ENOX1: variants seen among roughly 807,000 people sequenced by gnomAD.
The protein encoded by ENOX1 is ecto-NOX disulfide-thiol exchanger 1.
Under a neutral mutation model 82.5 loss-of-function variants are expected in ENOX1, and 42 were observed. The ratio of observed to expected loss-of-function variants is 0.51; its 90% CI spans 0.40 to 0.66. The LOEUF (loss-of-function observed/expected upper bound fraction) is 0.66, where lower values mean the gene tolerates loss of function less well. Ranked by LOEUF, ENOX1 falls within the 30% of genes least tolerant of loss-of-function variation. The pLI is 0.00. For missense variants in ENOX1, 608 were observed against 811.6 expected (o/e 0.75, Z 3.05); for synonymous variants, 271 against 282.2 (o/e 0.96, Z 0.40).
chr13:43,693,816 A>G (rs1338597903), intron 1 of ENOX1, among the ~76,000 whole-genome samples: 1 of 152,194 alleles, frequency 6.6e-6, no homozygotes, highest in Non-Finnish European at 1.5e-5. Flanking sequence ...TCAGTAACAT[A>G]GGCAGAAAAA....
intron 10 of ENOX1, among the ~76,000 whole-genome samples, chr13:43,325,106 CT>C (rs549151011): frequency 3.2e-4 from 48 of 149,114 alleles, no homozygotes; most frequent in Non-Finnish European, 4.0e-4. Context: ...ACAGAGGACT[CT>C]TTTTTTTTTA....
At chr13:43,512,124 G>A (rs999875438) in intron 2 of ENOX1, among the ~76,000 whole-genome samples, 1 of 151,806 alleles carries the variant, frequency 6.6e-6, no homozygotes, top group Non-Finnish European at 1.5e-5. Context: ...ATCAAGTTGA[G>A]CTTTTCAATT....
intron 7 of ENOX1, 34 bp from the exon 8 acceptor site, chr13:43,356,186 T>C: frequency 6.2e-7 from 1 of 1,600,270 alleles, no homozygotes; most frequent in Non-Finnish European, 8.5e-7. Context: ...CACACCATAA[T>C]GTAACAATGG....
At chr13:43,499,380 T>C (rs2076900614) in intron 2 of ENOX1, among the ~76,000 whole-genome samples, 1 of 152,082 alleles carries the variant, frequency 6.6e-6, no homozygotes, top group South Asian at 2.1e-4. Context: ...GCAAGAGTAA[T>C]TTGGAAACAT....
At chr13:43,598,940 T>C (rs1213454182) in intron 2 of ENOX1, among the ~76,000 whole-genome samples, 4 of 152,168 alleles carry the variant, frequency 2.6e-5, no homozygotes, top group African/African-American at 7.2e-5. Context: ...AGAGAAAGAA[T>C]GTCACTGACC....
intron 1 of ENOX1, among the ~76,000 whole-genome samples, chr13:43,733,960 GC>G: frequency 6.6e-6 from 1 of 151,878 alleles, no homozygotes; most frequent in Non-Finnish European, 1.5e-5. Flanking sequence ...CCCTGCTCCT[GC>G]CCCCCAACCA....
rs150309565 is a variant in ENOX1, at chr13:43,346,413, G to GC, written c.824-1664dup. ...AAAGGTTTTTTTTCTGAGCAAACCT[G>GC]CCCCCCTGCCCTCACACTTTAACCA... On this transcript the variant is annotated intron_variant, in intron 8 of 16. Transcript: ENST00000690772. 5.5e-3 allele frequency among the ~76,000 whole-genome samples: 843 copies of GC among 152,182 alleles called. 5 individuals are homozygous for GC. The highest frequency in any genetic ancestry group is 0.018 in the African/African-American group (755 of 41,516).
At chr13:43,438,578 G>A (rs748448919) in intron 3 of ENOX1, among the ~76,000 whole-genome samples, 8 of 152,178 alleles carry the variant, frequency 5.3e-5, no homozygotes, top group Non-Finnish European at 1.0e-4. Flanking sequence ...GTTTTCCACA[G>A]AGCAATCAAA....
intron 11 of ENOX1, among the ~76,000 whole-genome samples, chr13:43,299,225 T>C (rs974963327): frequency 6.6e-6 from 1 of 152,174 alleles, no homozygotes; most frequent in African/African-American, 2.4e-5. Context: ...GTCTATCTTA[T>C]TAAGAAACCA....
At chr13:43,769,478 A>G (rs1413778136) in intron 1 of ENOX1, among the ~76,000 whole-genome samples, 2 of 152,198 alleles carry the variant, frequency 1.3e-5, no homozygotes, top group African/African-American at 4.8e-5. Flanking sequence ...AGTTGAGAGC[A>G]GAGAGTAAGT....
rs139405763 is a variant in ENOX1, at chr13:43,498,003, G to A, written c.-218-13851C>T. On this transcript the variant is annotated intron_variant, in intron 2 of 16. Coordinates refer to ENST00000690772, the MANE Select transcript of ENOX1 (RefSeq NM_001347969.2). ...TGTCCATTTCATCTAAGATAAGTTT[G>A]TTTCTTATGGCTTCTCATACCCTAT... Among the ~76,000 whole-genome samples, 585 of 151,984 alleles carry A rather than the reference G, an allele frequency of 3.8e-3. 4 individuals carry two copies. Among genetic ancestry groups the A allele is most frequent in the African/African-American group, 0.013 (538 of 41,478 alleles).
intron 14 of ENOX1, among the ~76,000 whole-genome samples, chr13:43,251,751 G>A (rs2043468010): frequency 6.6e-6 from 1 of 152,152 alleles, no homozygotes; most frequent in South Asian, 2.1e-4. Flanking sequence ...AATGAATGGT[G>A]CACCAAGCTG....
chr13:43,525,543 T>C (rs1407207710), intron 2 of ENOX1, among the ~76,000 whole-genome samples: 1 of 152,134 alleles, frequency 6.6e-6, no homozygotes, highest in Non-Finnish European at 1.5e-5. Context: ...TTTTGTTTTT[T>C]TGAGGAACTG....
intron 2 of ENOX1, among the ~76,000 whole-genome samples, chr13:43,646,937 T>C (rs1370585661): frequency 1.3e-5 from 2 of 152,228 alleles, no homozygotes; most frequent in Admixed American, 1.3e-4. Context: ...GCTCAATGAA[T>C]TGAAGTGGCT....
At chr13:43,358,223 G>A (rs563628028) in intron 7 of ENOX1, among the ~76,000 whole-genome samples, 21 of 152,246 alleles carry the variant, frequency 1.4e-4, no homozygotes, top group African/African-American at 4.8e-4. Context: ...TTGTATTAGT[G>A]TTGAAAAGGG....
chr13:43,471,439 C>T (rs868711279), intron 3 of ENOX1, among the ~76,000 whole-genome samples: 5 of 152,082 alleles, frequency 3.3e-5, no homozygotes, highest in Admixed American at 6.6e-5. Flanking sequence ...AACAAAGAAT[C>T]GTAAAATTTA....
chr13:43,664,987 C>T (rs182568019), intron 2 of ENOX1, among the ~76,000 whole-genome samples: 2 of 152,338 alleles, frequency 1.3e-5, no homozygotes, highest in African/African-American at 2.4e-5. Context: ...CCCAGGAACA[C>T]AAAATCTCCT....
In ENOX1 at chr13:43,318,641, G is replaced by C. The variant is rs114265796; in HGVS notation, c.1261+3743C>G. Among the ~76,000 whole-genome samples, 1,500 of 152,302 alleles carry C rather than the reference G, an allele frequency of 9.8e-3. 22 individuals are homozygous for C. Among genetic ancestry groups the C allele is most frequent in the African/African-American group, 0.035 (1,436 of 41,548 alleles). On this transcript the variant is annotated intron_variant, in intron 11 of 16. Transcript: ENST00000690772. ...CCTCCTATCAACTTCTGGGACAAAGGCATCGAAAACATTAAGATCAGAAGA... is the reference window on the plus strand; with the variant it reads ...CCTCCTATCAACTTCTGGGACAAAGCCATCGAAAACATTAAGATCAGAAGA...
At chr13:43,631,132 G>A (rs2083199364) in intron 2 of ENOX1, among the ~76,000 whole-genome samples, 1 of 152,074 alleles carries the variant, frequency 6.6e-6, no homozygotes, top group Admixed American at 6.6e-5. Context: ...TCTTCTATTT[G>A]TGGGTATTTA....
Sources: gnomAD v4.1 joint callset for allele counts (sites outside exome capture counted in the v4.1 genomes callset) on GRCh38, gnomAD v4.1.1 for gene constraint, MANE v1.5 for transcripts, NCBI Gene and HGNC (gene_info 2026-07-23, HGNC 2026-07-21) for gene names.